Variants in DSCAM observed in about 807,000 individuals in gnomAD.
DSCAM encodes DS cell adhesion molecule.
A neutral mutation model predicts 217.7 loss-of-function variants in DSCAM; 47 were observed. The observed-to-expected ratio is 0.22, with a 90% confidence interval of 0.17 to 0.28. The LOEUF (loss-of-function observed/expected upper bound fraction) is 0.28, where lower values mean the gene tolerates loss of function less well. Ranked by LOEUF, DSCAM falls within the 10% of genes least tolerant of loss-of-function variation. The pLI, the probability that DSCAM is intolerant of heterozygous loss-of-function variation, is 1.00. For missense variants in DSCAM, 2,080 were observed against 2,618.3 expected, an observed-to-expected ratio of 0.79 and a Z score of 4.49; for synonymous variants, 1,056 against 1,015.3, an observed-to-expected ratio of 1.04 and a Z score of -0.76.
At chr21:40,607,154 A>T (rs1440890136) in intron 3 of DSCAM, among the ~76,000 whole-genome samples, 2 of 152,186 alleles carry the variant, frequency 1.3e-5, no homozygotes, top group East Asian at 3.8e-4. Flanking sequence ...TCGTGTTTAC[A>T]TTCTTACATA....
chr21:40,357,331 C>A (rs2074704508), intron 4 of DSCAM, among the ~76,000 whole-genome samples: 1 of 152,166 alleles, frequency 6.6e-6, no homozygotes. Flanking sequence ...CCAATGATGT[C>A]TCACTGATCT....
chr21:40,059,736 A>G (rs1337399542), intron 28 of DSCAM, among the ~76,000 whole-genome samples: 1 of 152,218 alleles, frequency 6.6e-6, no homozygotes, highest in African/African-American at 2.4e-5. Context: ...AAGCGGTAAA[A>G]TGACCTACTA....
chr21:40,568,263 AC>A, intron 3 of DSCAM, among the ~76,000 whole-genome samples: 1 of 152,326 alleles, frequency 6.6e-6, no homozygotes, highest in Non-Finnish European at 1.5e-5. Context: ...TAGCAAAGTT[AC>A]TTGTCTATCC....
chr21:40,202,846 G>GT (rs1234699032), intron 11 of DSCAM, among the ~76,000 whole-genome samples: 5 of 152,056 alleles, frequency 3.3e-5, no homozygotes, highest in African/African-American at 7.2e-5. Context: ...TGCCCATATG[G>GT]TTTTTTTATT....
At chr21:40,508,676 C>T (rs1466473631) in intron 3 of DSCAM, among the ~76,000 whole-genome samples, 2 of 144,854 alleles carry the variant, frequency 1.4e-5, no homozygotes, top group Non-Finnish European at 3.0e-5. Context: ...TCAAGGGAAC[C>T]ACCTACCTCA....
intron 3 of DSCAM, among the ~76,000 whole-genome samples, chr21:40,375,598 G>A (rs1353904723): frequency 1.3e-5 from 2 of 152,188 alleles, no homozygotes; most frequent in Admixed American, 1.3e-4. Context: ...TATTATACCT[G>A]TATGTGACGT....
chr21:40,183,173 C>A (rs1333446385), intron 14 of DSCAM, among the ~76,000 whole-genome samples: 1 of 151,688 alleles, frequency 6.6e-6, no homozygotes, highest in African/African-American at 2.4e-5. Flanking sequence ...CCCACAGGAA[C>A]AGACTCTGAA....
At chr21:40,399,277 A>G (rs866077907) in intron 3 of DSCAM, among the ~76,000 whole-genome samples, 2,012 of 139,378 alleles carry the variant, frequency 0.014, 36 homozygotes, top group African/African-American at 0.054. Flanking sequence ...CTCACAAAAC[A>G]AAACAAAACA....
At chr21:40,206,991 T>G (rs1175155887) in intron 11 of DSCAM, among the ~76,000 whole-genome samples, 1 of 152,196 alleles carries the variant, frequency 6.6e-6, no homozygotes, top group Non-Finnish European at 1.5e-5. Flanking sequence ...GCATGCATGA[T>G]ACCCCAGGAT....
At chr21:40,552,229 G>A in intron 3 of DSCAM, among the ~76,000 whole-genome samples, 1 of 152,040 alleles carries the variant, frequency 6.6e-6, no homozygotes, top group Non-Finnish European at 1.5e-5. Flanking sequence ...CAGAAGAATT[G>A]CTTGAACCTG....
intron 3 of DSCAM, among the ~76,000 whole-genome samples, chr21:40,658,767 T>C (rs1376128272): frequency 3.3e-5 from 5 of 152,186 alleles, no homozygotes; most frequent in Non-Finnish European, 7.3e-5. Context: ...TTTATTTACC[T>C]AGAAAAATGA....
At chr21:40,845,339 C>T (rs1444375258) in intron 1 of DSCAM, among the ~76,000 whole-genome samples, 1 of 152,178 alleles carries the variant, frequency 6.6e-6, no homozygotes, top group Non-Finnish European at 1.5e-5. Flanking sequence ...TGACAATGCT[C>T]ATGCATTTCT....
At chr21:40,628,683 T>TAAGC (rs745437380) in intron 3 of DSCAM, among the ~76,000 whole-genome samples, 9 of 151,872 alleles carry the variant, frequency 5.9e-5, no homozygotes, top group Non-Finnish European at 1.2e-4. Flanking sequence ...GTCCATGGTA[T>TAAGC]AAGCACTTGC....
intron 3 of DSCAM, among the ~76,000 whole-genome samples, chr21:40,571,272 T>TA (rs985086493): frequency 6.6e-6 from 1 of 151,886 alleles, no homozygotes; most frequent in African/African-American, 2.4e-5. Flanking sequence ...AAAGTATAAA[T>TA]AAAAAAATAA....
intron 31 of DSCAM, among the ~76,000 whole-genome samples, 153 bp downstream of exon 31, chr21:40,043,925 T>C (rs1402751240): frequency 6.6e-6 from 1 of 152,216 alleles, no homozygotes; most frequent in African/African-American, 2.4e-5. Context: ...TAGTAACTGT[T>C]AGATAAACCG....
chr21:40,646,512 T>A (rs1240642701), intron 3 of DSCAM, among the ~76,000 whole-genome samples: 2 of 152,056 alleles, frequency 1.3e-5, no homozygotes, highest in African/African-American at 2.4e-5. Flanking sequence ...CTGGAGTCCA[T>A]CGTGTTGCCC....
intron 28 of DSCAM, among the ~76,000 whole-genome samples, chr21:40,059,309 C>G (rs2089077579): frequency 6.6e-6 from 1 of 152,220 alleles, no homozygotes; most frequent in Non-Finnish European, 1.5e-5. Context: ...CTACAGTATA[C>G]AGTTATCTCT....
At chr21:40,425,529 T>C (rs2075464510) in intron 3 of DSCAM, among the ~76,000 whole-genome samples, 1 of 147,374 alleles carries the variant, frequency 6.8e-6, no homozygotes, top group African/African-American at 2.6e-5. Context: ...AAGAATTTTT[T>C]TACCCCCCCC....
chr21:40,366,098 T>G (rs372906537), intron 4 of DSCAM, among the ~76,000 whole-genome samples: 15 of 152,174 alleles, frequency 9.9e-5, no homozygotes, highest in African/African-American at 3.6e-4. Context: ...GCTCAAAAAT[T>G]TTATTAGACT....
Sources: allele counts gnomAD v4.1 joint callset (sites outside exome capture counted in the v4.1 genomes callset), GRCh38; gene constraint gnomAD v4.1.1; transcripts MANE v1.5; gene names NCBI Gene and HGNC (gene_info 2026-07-23, HGNC 2026-07-21).